The following CLPP variants were observed in gnomAD, a reference collection of about 807,000 sequenced individuals.
The protein encoded by CLPP is ATP-dependent Clp protease proteolytic subunit, mitochondrial.
A neutral mutation model predicts 27.4 loss-of-function variants in CLPP; 14 were observed. The ratio of observed to expected loss-of-function variants is 0.51; its 90% confidence interval spans 0.34 to 0.80. The LOEUF (loss-of-function observed/expected upper bound fraction) is 0.80. CLPP is among the 30% of genes least tolerant of loss of function. The pLI is 0.02. For synonymous variants in CLPP, 193 were observed against 166.6 expected (o/e 1.16, Z -1.22); for missense variants, 361 against 403.6 (o/e 0.89, Z 0.90).
At chr19:6,361,837 C>CG (rs1470267295) in intron 1 of CLPP, 32 bp from the exon 2 acceptor site, 1 of 1,593,352 alleles carries the variant, frequency 6.3e-7, no homozygotes, top group Non-Finnish European at 8.5e-7. Context: ...GCTGGCTGCC[C>CG]CGGCCCCTCA....
chr19:6,361,834 G>GC lies in CLPP; in HGVS notation c.199-31dup, dbSNP rs57445020. The GC allele has an allele frequency of 1, 1,587,335 of 1,587,482 alleles. 793,594 individuals are homozygous for GC. The highest frequency in any genetic ancestry group is 1 in the Middle Eastern group (6,000 of 6,000). The stretch of plus-strand genomic sequence containing the variant: ...CGGGCTGGGTGGGGATCGGCTGGCT[G>GC]CCCCGGCCCCTCACCTCCATCTTTC... On this transcript the variant is annotated intron_variant, in intron 1 of 5. Coordinates refer to ENST00000245816, the MANE Select transcript of CLPP (RefSeq NM_006012.4).
At chr19:6,364,069 C>T (rs1190342470) in intron 3 of CLPP, among the ~76,000 whole-genome samples, 6 of 141,212 alleles carry the variant, frequency 4.2e-5, no homozygotes, top group Admixed American at 7.2e-5. Context: ...CTCGTTCTGT[C>T]GCCCAGGCTG....
intron 5 of CLPP, among the ~76,000 whole-genome samples, chr19:6,368,185 G>T (rs971955911): frequency 6.6e-6 from 1 of 152,108 alleles, no homozygotes; most frequent in Non-Finnish European, 1.5e-5. Context: ...TCACAGTTCT[G>T]GGGGCTGGGA....
rs1363022040 is a variant in CLPP, at chr19:6,369,992, C to G, written c.*1282C>G. On this transcript the variant is annotated 3_prime_UTR_variant, in exon 6 of 6. Coordinates refer to ENST00000245816, the MANE Select transcript of CLPP (RefSeq NM_006012.4). ...AATCTAGACGAAAGCTGATGGCAGC[C>G]CTGGCCGAGTGATGAGAAAAAGTCA... is the stretch of plus-strand genomic sequence containing the variant. Among the ~76,000 whole-genome samples, 2 of 152,020 alleles carry G rather than the reference C, an allele frequency of 1.3e-5. No homozygotes were observed. Among genetic ancestry groups the G allele is most frequent in the Admixed American group, 6.6e-5 (1 of 15,250 alleles).
Position 6,364,365 on chromosome 19 carries a change from G to C in CLPP, c.368-87G>C. 4 of 1,298,030 alleles carry C rather than the reference G, an allele frequency of 3.1e-6. No individual in the cohort carries two copies. The South Asian group carries it at 5.3e-5, about 17-fold the overall frequency. 80.4% of individuals were successfully genotyped at this position (1,298,030 alleles called of 1,614,324 possible). A position where few individuals can be genotyped will look rare whatever the true frequency, so the allele number is the denominator to read the frequency against. On this transcript the variant is annotated intron_variant, in intron 3 of 5. Transcript: ENST00000245816. ...TTAAAAAAGGAGGGGGGCTGCATCT[G>C]TTCCACCCTCCCCAGGTTTAGGAGA...
At chr19:6,363,800 C>CA (rs1357147069) in intron 3 of CLPP, among the ~76,000 whole-genome samples, 1 of 150,844 alleles carries the variant, frequency 6.6e-6, no homozygotes, top group Non-Finnish European at 1.5e-5. Flanking sequence ...GAGGCTGAGG[C>CA]AGGAGAATTG....
chr19:6,366,629 G>A (rs1399453031), intron 5 of CLPP, among the ~76,000 whole-genome samples: 1 of 152,018 alleles, frequency 6.6e-6, no homozygotes, highest in Admixed American at 6.6e-5. Flanking sequence ...GTTACAGTGA[G>A]CTAATTTTTT....
rs1321236084 is a variant in CLPP at position 6,362,451 on chromosome 19, T to C, written c.276T>C (p.Asp92=). 2 of 1,613,424 alleles carry C rather than the reference T, an allele frequency of 1.2e-6. No homozygotes were observed. Among genetic ancestry groups the C allele is most frequent in the African/African-American group, 2.7e-5 (2 of 74,920 alleles). ...CCTGCCCTCTCCACCTGCAGATCGA[T>C]GACAGCGTTGCCAGCCTTGTTATCG... The part of the protein sequence containing the change: ...ERIVCVMGPI[D]DSVASLVIAQ... The change falls in exon 3 of 6, where the codon GAT becomes GAC. Residue 92 remains aspartate (D), a synonymous_variant. Transcript: ENST00000245816.
At chr19:6,366,395 G>T (rs763826396) in intron 5 of CLPP, 32 bp downstream of exon 5, 1 of 1,520,690 alleles carries the variant, frequency 6.6e-7, no homozygotes, top group Non-Finnish European at 9.1e-7. Flanking sequence ...ATCCTGGTCC[G>T]TGCACAGACG....
chr19:6,363,479 A>G (rs1281030794), intron 3 of CLPP, among the ~76,000 whole-genome samples: 1 of 152,106 alleles, frequency 6.6e-6, no homozygotes, highest in African/African-American at 2.4e-5. Flanking sequence ...CCACTGGCAC[A>G]TCTGGCAAGA....
intron 2 of CLPP, 71 bp downstream of exon 2, chr19:6,362,011 T>G (rs2091837145): frequency 5.0e-6 from 7 of 1,403,602 alleles, no homozygotes; most frequent in South Asian, 4.8e-5. Flanking sequence ...GCGCCCCTCC[T>G]TCCCTGGCCC....
chr19:6,367,816 C>T (rs910072897), intron 5 of CLPP, among the ~76,000 whole-genome samples: 19 of 151,180 alleles, frequency 1.3e-4, no homozygotes, highest in African/African-American at 4.4e-4. Context: ...GATTCTCATA[C>T]CTCAGCCTCC....
intron 4 of CLPP, chr19:6,364,926 A>C: frequency 3.5e-6 from 1 of 285,330 alleles, no homozygotes. Context: ...GGGTTTCACC[A>C]TGTTAGCCAG....
intron 3 of CLPP, among the ~76,000 whole-genome samples, chr19:6,363,892 C>CAAAA: frequency 7.5e-6 from 1 of 133,098 alleles, no homozygotes; most frequent in East Asian, 2.2e-4. Flanking sequence ...GACTCAGTCT[C>CAAAA]AAAAAAAAAA....
chr19:6,368,992 C>G lies in CLPP; in HGVS notation c.*282C>G. 2 of 411,662 alleles carry G rather than the reference C, an allele frequency of 4.9e-6. No individual in the cohort carries two copies. The highest frequency in any genetic ancestry group is 8.7e-6 in the Non-Finnish European group (2 of 229,122). 25.5% of individuals were successfully genotyped at this position (411,662 alleles called of 1,614,324 possible). A position where few individuals can be genotyped will look rare whatever the true frequency, so the allele number is the denominator to read the frequency against. ...GCCCCTTCTGCTTTTGTCCTGACCCCAAGAGGCAAGCCATGTCTTCCTTCA... is the reference window on the plus strand; with the variant it reads ...GCCCCTTCTGCTTTTGTCCTGACCCGAAGAGGCAAGCCATGTCTTCCTTCA... On this transcript the variant is annotated 3_prime_UTR_variant, in exon 6 of 6. Coordinates refer to ENST00000245816, the MANE Select transcript of CLPP (RefSeq NM_006012.4).
Position 6,361,681 on chromosome 19 carries a change from G to T in CLPP, c.107G>T (p.Arg36Leu), listed in dbSNP as rs1261489788. The change falls in exon 1 of 6, where the codon CGG (arginine) becomes CTG (leucine). Residue 36 changes from arginine to leucine, a missense_variant. Transcript: ENST00000245816. ...AHFPAQRPPQRTLQNGLALQR... is the reference protein window; with the variant it reads ...AHFPAQRPPQLTLQNGLALQR... Reference sequence around the variant, plus strand: ...TTTCCAGCGCAGCGGCCGCCGCAGCGGACACTCCAGAACGGCCTGGCCCTG... The same window carrying T: ...TTTCCAGCGCAGCGGCCGCCGCAGCTGACACTCCAGAACGGCCTGGCCCTG... 2.8e-6 allele frequency: 4 copies of T among 1,449,106 alleles called. No homozygotes were observed. The highest frequency in any genetic ancestry group is 3.6e-6 in the Non-Finnish European group (4 of 1,102,508). 89.8% of individuals were successfully genotyped at this position (1,449,106 alleles called of 1,614,324 possible).
chr19:6,366,440 C>CGAGA, intron 5 of CLPP, 77 bp downstream of exon 5: 1 of 1,137,026 alleles, frequency 8.8e-7, no homozygotes, highest in South Asian at 1.3e-5. Flanking sequence ...GCTTCTCCAC[C>CGAGA]TGGCCCCTGC....
rs7251475 is a variant in CLPP at position 6,368,237 on chromosome 19, T to G, written c.662-301T>G. 0.33 allele frequency among the ~76,000 whole-genome samples: 50,458 copies of G among 151,750 alleles called. 14,182 individuals are homozygous for G. The highest frequency in any genetic ancestry group is 0.77 in the African/African-American group (31,775 of 41,360). ...GCCAGCTGATTCGGTTCTTGGTGAG[T>G]GCTCTCTTCCTGGCTTGCAGACGGC... On this transcript the variant is annotated intron_variant, in intron 5 of 5. Coordinates refer to ENST00000245816, the MANE Select transcript of CLPP (RefSeq NM_006012.4).
At chr19:6,364,131 C>T (rs1051932726) in intron 3 of CLPP, among the ~76,000 whole-genome samples, 7 of 150,328 alleles carry the variant, frequency 4.7e-5, no homozygotes, top group Admixed American at 1.3e-4. Flanking sequence ...CCCGGGTTCA[C>T]GCCATTCTGC....
Sources: gnomAD v4.1 joint callset for allele counts (sites outside exome capture counted in the v4.1 genomes callset) on GRCh38, gnomAD v4.1.1 for gene constraint, MANE v1.5 for transcripts, NCBI Gene and HGNC (gene_info 2026-07-23, HGNC 2026-07-21) for gene names.